Variants in LPIN1 observed in about 807,000 individuals in gnomAD.
LPIN1 encodes phosphatidate phosphatase LPIN1.
A neutral mutation model predicts 107.5 loss-of-function variants in LPIN1; 71 were observed. That is an observed-to-expected ratio of 0.66 (90% CI 0.55 to 0.80). The LOEUF (loss-of-function observed/expected upper bound fraction) is 0.80. Ranked by LOEUF, LPIN1 falls within the 30% of genes least tolerant of loss-of-function variation. The pLI is 0.00. For missense variants in LPIN1, 1,043 were observed against 1,160.6 expected (o/e 0.90, Z 1.47); for synonymous variants, 445 against 452.6 (o/e 0.98, Z 0.21).
intron 17 of LPIN1, among the ~76,000 whole-genome samples, chr2:11,813,884 A>G (rs1680108839): frequency 6.6e-6 from 1 of 152,108 alleles, no homozygotes; most frequent in Admixed American, 6.5e-5. Flanking sequence ...ACTGCGCTCC[A>G]TCCTGGGGGA....
intron 1 of LPIN1, among the ~76,000 whole-genome samples, chr2:11,755,899 T>A (rs1489597658): frequency 6.6e-6 from 1 of 152,050 alleles, no homozygotes; most frequent in Non-Finnish European, 1.5e-5. Context: ...TTTTTTGTAT[T>A]TTTAGTAGAG....
At chr2:11,785,220 A>T in intron 10 of LPIN1, 144 bp downstream of exon 10, 1 of 652,030 alleles carries the variant, frequency 1.5e-6, no homozygotes, top group South Asian at 2.2e-5. Context: ...CCGAACTCAT[A>T]ATCCCGATGT....
At chr2:11,740,146 G>A (rs1391432260) in intron 1 of LPIN1, among the ~76,000 whole-genome samples, 3 of 152,166 alleles carry the variant, frequency 2.0e-5, no homozygotes, top group Non-Finnish European at 4.4e-5. Flanking sequence ...ATGTCCAAGC[G>A]CGGGAGAAGG....
rs757014880 is a variant in LPIN1 at position 11,819,434 on chromosome 2, T to G, written c.2403-50T>G. 10 of 1,199,222 alleles carry G rather than the reference T, an allele frequency of 8.3e-6. No homozygotes were observed. In the Admixed American group the frequency reaches 1.7e-4, roughly 20 times the overall value. The allele number at this position is 1,199,222 out of a possible 1,614,324, so 74.3% of individuals were successfully genotyped here. A position where few individuals can be genotyped will look rare whatever the true frequency, so the allele number is the denominator to read the frequency against. ...TTGTCAGCTAAAAACAGTTTGATGC[T>G]AAAGGAAGCTTAGCCTCTCATGTTA... On this transcript the variant is annotated intron_variant, in intron 18 of 20. Transcript: ENST00000674199.
intron 1 of LPIN1, among the ~76,000 whole-genome samples, chr2:11,733,255 A>G (rs1438422425): frequency 1.3e-5 from 2 of 152,130 alleles, no homozygotes; most frequent in African/African-American, 4.8e-5. Context: ...AAGCAGGATT[A>G]TGGGAAATAG....
intron 1 of LPIN1, among the ~76,000 whole-genome samples, chr2:11,761,734 T>A (rs560849401): frequency 1.4e-4 from 21 of 152,246 alleles, no homozygotes; most frequent in African/African-American, 5.1e-4. Context: ...TTCATAGGGG[T>A]TGAGGTAAGA....
rs1250510219 is a variant in LPIN1 at position 11,776,219 on chromosome 2, G to C, written c.830+26G>C. The C allele has an allele frequency of 2.1e-6, 3 of 1,414,226 alleles. No individual in the cohort carries two copies. The African/African-American group carries it at 4.3e-5, about 20-fold the overall frequency. The allele number at this position is 1,414,226 out of a possible 1,614,324, so 87.6% of individuals were successfully genotyped here. ...GTAGAGGAGTTATTTTCCCCATTGG[G>C]ATATATTCAATAATGAAAAATTTGA... On this transcript the variant is annotated intron_variant, in intron 6 of 20. Coordinates refer to ENST00000674199, the MANE Select transcript of LPIN1 (RefSeq NM_001349206.2).
intron 17 of LPIN1, among the ~76,000 whole-genome samples, chr2:11,814,163 G>C (rs1465141043): frequency 2.6e-5 from 4 of 152,148 alleles, no homozygotes; most frequent in South Asian, 4.1e-4. Flanking sequence ...AGCGGTGGCT[G>C]CTGAGGAGGA....
chr2:11,725,963 C>G (rs1013168500), intron 1 of LPIN1, among the ~76,000 whole-genome samples: 3 of 152,194 alleles, frequency 2.0e-5, no homozygotes, highest in African/African-American at 7.2e-5. Flanking sequence ...TAACGCACGG[C>G]AGAGAGGCTA....
chr2:11,765,371 C>G lies in LPIN1; in HGVS notation c.-9-162C>G, dbSNP rs1233540934. 6.6e-6 allele frequency among the ~76,000 whole-genome samples: 1 copy of G among 152,154 alleles called. No homozygotes were observed. Among genetic ancestry groups the G allele is most frequent in the South Asian group, 2.1e-4 (1 of 4,834 alleles). The stretch of plus-strand genomic sequence containing the variant: ...TGGGCCCTGATGGGCCCTGATGGAC[C>G]CTGATGGGCTATGGGGGTGGATAGA... On this transcript the variant is annotated intron_variant, in intron 1 of 20. Transcript: ENST00000674199. This position sits in a 1 kb window ranked among gnomAD's most constrained non-coding sequence, Gnocchi z 4.4.
chr2:11,801,599 A>C (rs1415417965), intron 14 of LPIN1, among the ~76,000 whole-genome samples: 4 of 152,166 alleles, frequency 2.6e-5, no homozygotes, highest in Admixed American at 2.6e-4. Flanking sequence ...CAGAGCTGGG[A>C]AGGGTAGAGG....
intron 1 of LPIN1, among the ~76,000 whole-genome samples, chr2:11,730,162 C>CT (rs1303820631): frequency 1.3e-5 from 2 of 152,082 alleles, no homozygotes; most frequent in South Asian, 2.1e-4. Flanking sequence ...TGTTTGGTTC[C>CT]TTTTTTTGTT....
At chr2:11,733,047 A>G (rs1354572411) in intron 1 of LPIN1, among the ~76,000 whole-genome samples, 6 of 152,066 alleles carry the variant, frequency 3.9e-5, no homozygotes. Flanking sequence ...GCTGGGGTCA[A>G]TACCTGGCTC....
At chr2:11,734,221 C>T (rs1210897872) in intron 1 of LPIN1, among the ~76,000 whole-genome samples, 1 of 152,044 alleles carries the variant, frequency 6.6e-6, no homozygotes, top group South Asian at 2.1e-4. Context: ...TCACTCATGC[C>T]CTTTGGGAAC....
At chr2:11,679,645 C>T (rs1409777578) in intron 1 of LPIN1, among the ~76,000 whole-genome samples, 2 of 152,204 alleles carry the variant, frequency 1.3e-5, no homozygotes, top group Non-Finnish European at 1.5e-5. Context: ...GACAGATGGA[C>T]GGGATACTAA....
At chr2:11,811,279 T>A (rs1180108421) in intron 17 of LPIN1, among the ~76,000 whole-genome samples, 1 of 152,212 alleles carries the variant, frequency 6.6e-6, no homozygotes, top group Non-Finnish European at 1.5e-5. Flanking sequence ...GTGTGGCATG[T>A]CCTGCCACCG....
intron 1 of LPIN1, among the ~76,000 whole-genome samples, chr2:11,704,705 G>A (rs1389681301): frequency 6.6e-6 from 1 of 152,140 alleles, no homozygotes; most frequent in African/African-American, 2.4e-5. Flanking sequence ...CCAAGACAAG[G>A]GGGTAAATGT....
intron 3 of LPIN1, among the ~76,000 whole-genome samples, chr2:11,769,556 T>G (rs1363109090): frequency 6.6e-6 from 1 of 152,238 alleles, no homozygotes; most frequent in East Asian, 1.9e-4. Flanking sequence ...TGGTGTTCTT[T>G]GCAGCACAAT....
chr2:11,793,120 C>A (rs142945251), intron 13 of LPIN1, among the ~76,000 whole-genome samples: 2 of 152,188 alleles, frequency 1.3e-5, no homozygotes, highest in Non-Finnish European at 2.9e-5. Flanking sequence ...TCAAACTTAA[C>A]GCTTCCAGAA....
Sources: allele counts gnomAD v4.1 joint callset (sites outside exome capture counted in the v4.1 genomes callset), GRCh38; gene constraint gnomAD v4.1.1; non-coding constraint Gnocchi (gnomAD v3.1); transcripts MANE v1.5; gene names NCBI Gene and HGNC (gene_info 2026-07-23, HGNC 2026-07-21).